The following PSMA6 variants were observed in gnomAD, a reference collection of about 807,000 sequenced individuals.
PSMA6 encodes proteasome 20S subunit alpha 6, also known as proteasome subunit alpha type-6.
For synonymous variants in PSMA6, 88 were observed against 97.7 expected, an observed-to-expected ratio of 0.90 and a Z score of 0.59; for missense variants, 170 against 294.8, an observed-to-expected ratio of 0.58 and a Z score of 3.10.
chr14:35,283,651 G>A (rs893708848), intron 1 of PSMA6, among the ~76,000 whole-genome samples: 1 of 151,486 alleles, frequency 6.6e-6, no homozygotes, highest in Non-Finnish European at 1.5e-5. Context: ...GACCTCCTGG[G>A]CTCAAGCAAT....
Position 35,292,416 on chromosome 14 carries a change from T to C in PSMA6, c.-61T>C. The C allele has an allele frequency of 6.3e-7, 1 of 1,575,316 alleles. No homozygotes were observed. The highest frequency in any genetic ancestry group is 1.2e-5 in the South Asian group (1 of 86,082). On this transcript the variant is annotated 5_prime_UTR_variant, in exon 1 of 7. Transcript: ENST00000261479. ...CGCTGCAACTTCCGGGAGGTGCTTG[T>C]GTGCCTGGTGCGGGAGCTACGGGGC...
At chr14:35,314,611 A>G (rs2052005403) in intron 6 of PSMA6, 156 bp downstream of exon 6, 3 of 1,010,012 alleles carry the variant, frequency 3.0e-6, no homozygotes, top group South Asian at 6.1e-5. Context: ...ATCTGTTTTT[A>G]AAACTTTGGA....
At chr14:35,304,456 C>T (rs189658597) in intron 1 of PSMA6, among the ~76,000 whole-genome samples, 1 of 152,186 alleles carries the variant, frequency 6.6e-6, no homozygotes, top group Admixed American at 6.5e-5. Context: ...GTAGGCTGAG[C>T]GCGGTCGCTC....
chr14:35,294,459 C>G (rs2051544365), intron 1 of PSMA6, among the ~76,000 whole-genome samples: 1 of 152,222 alleles, frequency 6.6e-6, no homozygotes, highest in Non-Finnish European at 1.5e-5. Flanking sequence ...GTGAAGAGTT[C>G]AGGCCCTGGA....
rs140906831 is a variant in PSMA6 at position 35,302,794 on chromosome 14, C to T, written c.77-5200C>T. Among the ~76,000 whole-genome samples, 68 of 152,146 alleles carry T rather than the reference C, an allele frequency of 4.5e-4. No homozygotes were observed. In the East Asian group the frequency reaches 0.012, roughly 26 times the overall value. On this transcript the variant is annotated intron_variant, in intron 1 of 6. Transcript: ENST00000261479. ...CTTTCTCATCTCCATTCTACAGTTA[C>T]GTCCATTTGGTGAATTTTTAAATTT...
intron 1 of PSMA6, among the ~76,000 whole-genome samples, chr14:35,280,008 C>T (rs549948731): frequency 2.0e-5 from 3 of 152,088 alleles, no homozygotes; most frequent in African/African-American, 7.2e-5. Context: ...GCCTGTAATC[C>T]CAGCTACTCG....
At chr14:35,291,466 C>T (rs1158313651), upstream of PSMA6, among the ~76,000 whole-genome samples, 1 of 152,026 alleles carries the variant, frequency 6.6e-6, no homozygotes, top group Non-Finnish European at 1.5e-5. Context: ...GTGATCCGCC[C>T]GCCTTGGTCT....
chr14:35,283,971 C>T (rs964766942), intron 1 of PSMA6, among the ~76,000 whole-genome samples: 2 of 152,138 alleles, frequency 1.3e-5, no homozygotes, highest in African/African-American at 2.4e-5. Flanking sequence ...TATCAATAGC[C>T]TCCTGGCTGA....
chr14:35,280,043 T>C (rs2051349025), intron 1 of PSMA6, among the ~76,000 whole-genome samples: 1 of 151,106 alleles, frequency 6.6e-6, no homozygotes, highest in African/African-American at 2.4e-5. Flanking sequence ...GAGAATGGCG[T>C]GAACCAGGGA....
intron 1 of PSMA6, among the ~76,000 whole-genome samples, chr14:35,299,663 T>C (rs906619802): frequency 3.3e-5 from 5 of 152,326 alleles, no homozygotes; most frequent in Non-Finnish European, 7.4e-5. Flanking sequence ...AGGTTGTCCG[T>C]ATCTGCTCTA....
chr14:35,316,600 G>C (rs2052050446), intron 6 of PSMA6: 1 of 152,110 alleles, frequency 6.6e-6, no homozygotes, highest in Non-Finnish European at 1.5e-5. Flanking sequence ...GGGCAAGGTG[G>C]CTCACGCCTG....
At chr14:35,309,737 A>G (rs754023362) in intron 3 of PSMA6, among the ~76,000 whole-genome samples, 6 of 152,240 alleles carry the variant, frequency 3.9e-5, no homozygotes, top group Non-Finnish European at 5.9e-5. Context: ...CAGAGGTTGC[A>G]GTGAGCTGAG....
intron 3 of PSMA6, chr14:35,310,115 C>G: frequency 2.5e-6 from 1 of 392,534 alleles, no homozygotes; most frequent in Non-Finnish European, 5.0e-6. Context: ...GTCCAAGACC[C>G]CATCTCTAAA....
At position 35,311,098 on chromosome 14, in the gene PSMA6, T is replaced by C. The variant is rs145658522; in HGVS notation, c.409+203T>C. 3.6e-3 allele frequency: 1,693 copies of C among 476,686 alleles called. 30 individuals carry two copies. The highest frequency in any genetic ancestry group is 0.028 in the African/African-American group (1,428 of 50,218). 29.5% of individuals were successfully genotyped at this position (476,686 alleles called of 1,614,324 possible). On this transcript the variant is annotated intron_variant, in intron 4 of 6. Coordinates refer to ENST00000261479, the MANE Select transcript of PSMA6 (RefSeq NM_002791.3). ...GGCATTATCTTTAAGCTTTAGATGC[T>C]GTTAGACTTTTTATCAAAGTATTTC... is the stretch of plus-strand genomic sequence containing the variant.
chr14:35,307,892 G>C, intron 1 of PSMA6, 102 bp from the exon 2 acceptor site: 1 of 1,079,754 alleles, frequency 9.3e-7, no homozygotes, highest in East Asian at 2.6e-5. Context: ...TGAGCATTCT[G>C]TGTTCATGTA....
At chr14:35,287,591 A>G (rs548889613), upstream of PSMA6, among the ~76,000 whole-genome samples, 26 of 152,102 alleles carry the variant, frequency 1.7e-4, no homozygotes, top group South Asian at 3.7e-3. Context: ...CCTTCCACCT[A>G]CCTCCACCCC....
chr14:35,304,726 C>CA (rs34824477), intron 1 of PSMA6, among the ~76,000 whole-genome samples: 32,254 of 123,810 alleles, frequency 0.26, 3,676 homozygotes, highest in Non-Finnish European at 0.28. Context: ...AACTCCATCT[C>CA]AAAAAAAAAA....
Position 35,314,622 on chromosome 14 carries a change from C to T in PSMA6, c.683+167C>T, listed in dbSNP as rs747250944. 4 of 885,186 alleles carry T rather than the reference C, an allele frequency of 4.5e-6. No individual in the cohort carries two copies. The African/African-American group carries it at 6.9e-5, about 15-fold the overall frequency. 54.8% of individuals were successfully genotyped at this position (885,186 alleles called of 1,614,324 possible). ...TGAGATCTGTTTTTAAAACTTTGGA[C>T]TCTATTTAAGAGTCAGATATGAAAG... On this transcript the variant is annotated intron_variant, in intron 6 of 6. Coordinates refer to ENST00000261479, the MANE Select transcript of PSMA6 (RefSeq NM_002791.3).
intron 1 of PSMA6, among the ~76,000 whole-genome samples, chr14:35,305,036 T>C (rs1416148920): frequency 2.0e-5 from 3 of 152,178 alleles, no homozygotes; most frequent in Non-Finnish European, 4.4e-5. Flanking sequence ...ATTGTGCCAC[T>C]GCACTCAGCC....
Sources: allele counts gnomAD v4.1 joint callset (sites outside exome capture counted in the v4.1 genomes callset), GRCh38; gene constraint gnomAD v4.1.1; transcripts MANE v1.5; gene names NCBI Gene and HGNC (gene_info 2026-07-23, HGNC 2026-07-21).